Variants in OSBPL10 observed in about 807,000 individuals in gnomAD.
The protein encoded by OSBPL10 is oxysterol-binding protein-related protein 10.
A neutral mutation model predicts 81.7 loss-of-function variants in OSBPL10; 49 were observed. The observed-to-expected ratio is 0.60, with a 90% confidence interval of 0.48 to 0.76. OSBPL10 has a LOEUF of 0.76. Ranked by LOEUF, OSBPL10 falls within the 30% of genes least tolerant of loss-of-function variation. OSBPL10 has a pLI of 0.00. For missense variants in OSBPL10, 923 were observed against 987.8 expected, an observed-to-expected ratio of 0.93 and a Z score of 0.88; for synonymous variants, 419 against 383.6, an observed-to-expected ratio of 1.09 and a Z score of -1.08.
chr3:31,664,248 GGA>G lies in OSBPL10; in HGVS notation c.2097-18_2097-17del. ...CCAGAGGTTCCTGGGGATGCGTGGA[GGA>G]GAGGAAACAATCAGCCAGGCCAGCT... On this transcript the variant is annotated splice_polypyrimidine_tract_variant and intron_variant, in intron 10 of 11. Transcript: ENST00000396556. The G allele has an allele frequency of 6.2e-7, 1 of 1,611,048 alleles. No individual in the cohort carries two copies. Among genetic ancestry groups the G allele is most frequent in the Non-Finnish European group, 8.5e-7 (1 of 1,179,442 alleles).
intron 4 of OSBPL10, among the ~76,000 whole-genome samples, chr3:31,792,465 G>A (rs776125414): frequency 8.5e-5 from 13 of 152,138 alleles, no homozygotes; most frequent in Middle Eastern, 3.2e-3. Context: ...CAACATTGGC[G>A]ACAATTAAAA....
intron 5 of OSBPL10, among the ~76,000 whole-genome samples, chr3:31,739,336 GAGAAAGTCTTAT>G (rs1169991030): frequency 6.6e-6 from 1 of 152,112 alleles, no homozygotes; most frequent in Non-Finnish European, 1.5e-5. Flanking sequence ...ACAAGGAAGA[GAGAAAGTCTTAT>G]AGTACTCAGC....
At chr3:31,736,081 T>G (rs1049510195) in intron 5 of OSBPL10, among the ~76,000 whole-genome samples, 42 of 151,848 alleles carry the variant, frequency 2.8e-4, no homozygotes, top group African/African-American at 9.2e-4. Flanking sequence ...AAGAAAGACA[T>G]AGAATAGAAT....
In OSBPL10 at chr3:31,787,093, G is replaced by A. The variant is rs189294433; in HGVS notation, c.730-38973C>T. Among the ~76,000 whole-genome samples the A allele has an allele frequency of 7.6e-4, 116 of 152,298 alleles. 1 individual carries two copies. Among genetic ancestry groups the A allele is most frequent in the African/African-American group, 2.4e-3 (99 of 41,578 alleles). Reference sequence around the variant, plus strand: ...TGCCTGGCATAGAATAAGCGGTCACGATATGGTTGTTGCCTCCTTACTTCT... The same window carrying A: ...TGCCTGGCATAGAATAAGCGGTCACAATATGGTTGTTGCCTCCTTACTTCT... On this transcript the variant is annotated intron_variant, in intron 4 of 11. Transcript: ENST00000396556.
intron 1 of OSBPL10, chr3:31,919,449 G>C (rs970514902): frequency 6.6e-6 from 1 of 152,190 alleles, no homozygotes; most frequent in Admixed American, 6.5e-5. Flanking sequence ...GGAAGGGCTG[G>C]AGCAAAGACT....
intron 4 of OSBPL10, among the ~76,000 whole-genome samples, chr3:31,774,711 C>T (rs1338810278): frequency 6.6e-6 from 1 of 151,394 alleles, no homozygotes; most frequent in African/African-American, 2.4e-5. Context: ...CAGTGTTTCA[C>T]CATGTTGTCC....
chr3:31,759,580 T>C (rs1455084556), intron 4 of OSBPL10, among the ~76,000 whole-genome samples: 1 of 152,180 alleles, frequency 6.6e-6, no homozygotes, highest in Non-Finnish European at 1.5e-5. Context: ...TGTATATATA[T>C]GGCCAACCCT....
intron 1 of OSBPL10, among the ~76,000 whole-genome samples, chr3:32,069,899 C>T (rs150673335): frequency 6.6e-6 from 1 of 152,232 alleles, no homozygotes; most frequent in Admixed American, 6.5e-5. Flanking sequence ...GGCCACTGGG[C>T]CTCAGAATGC....
intron 1 of OSBPL10, among the ~76,000 whole-genome samples, chr3:31,980,010 A>T (rs967530857): frequency 1.3e-3 from 200 of 148,406 alleles, no homozygotes; most frequent in Admixed American, 1.3e-3. Context: ...TATTTTATTT[A>T]TTTATTTTTT....
In OSBPL10 at chr3:31,883,255, T is replaced by G. The variant is rs200238366; in HGVS notation, c.282-3425A>C. Among the ~76,000 whole-genome samples the G allele has an allele frequency of 4.8e-3, 726 of 152,200 alleles. 30 individuals carry two copies. In the East Asian group the frequency reaches 0.1, roughly 21 times the overall value. The stretch of plus-strand genomic sequence containing the variant: ...CAAGCATGCCACTCTTTTTTTTTTT[T>G]TTGAGATGGAGTCTCGCTTCTTTGC... On this transcript the variant is annotated intron_variant, in intron 1 of 11. Transcript: ENST00000396556.
chr3:31,886,862 C>T (rs1306538344), intron 1 of OSBPL10, among the ~76,000 whole-genome samples: 3 of 152,072 alleles, frequency 2.0e-5, no homozygotes, highest in Admixed American at 6.5e-5. Context: ...ATCGCTGGAA[C>T]CCAGGAGGCA....
chr3:32,008,325 G>GT (rs112826696), intron 2 of OSBPL10, among the ~76,000 whole-genome samples: 48,449 of 150,914 alleles, frequency 0.32, 8,625 homozygotes, highest in African/African-American at 0.48. Flanking sequence ...GCTAATTTTT[G>GT]TTTTTTTAGT....
chr3:31,876,289 T>C, intron 3 of OSBPL10, 144 bp downstream of exon 3: 2 of 665,382 alleles, frequency 3.0e-6, no homozygotes, highest in South Asian at 1.9e-5. Context: ...TTTAAATTTA[T>C]GTGCAGCAGG....
chr3:31,702,568 G>C, intron 6 of OSBPL10, 60 bp from the exon 7 acceptor site: 1 of 1,600,398 alleles, frequency 6.2e-7, no homozygotes, highest in Non-Finnish European at 8.6e-7. Context: ...GAAATAAAGT[G>C]TATGAATTCA....
chr3:31,976,709 G>C (rs370057885), intron 1 of OSBPL10, among the ~76,000 whole-genome samples: 1 of 151,978 alleles, frequency 6.6e-6, no homozygotes, highest in Non-Finnish European at 1.5e-5. Context: ...CTCCCACCTC[G>C]GCCTCCCAAA....
intron 11 of OSBPL10, chr3:31,663,152 CAG>C (rs1700108079): frequency 9.1e-6 from 9 of 985,450 alleles, no homozygotes; most frequent in Non-Finnish European, 1.1e-5. Context: ...TAGCAGAAGT[CAG>C]GGGTTACCAG....
intron 6 of OSBPL10, among the ~76,000 whole-genome samples, chr3:31,713,431 C>T (rs1259986517): frequency 6.6e-6 from 1 of 152,130 alleles, no homozygotes; most frequent in African/African-American, 2.4e-5. Context: ...GAGTCTCACT[C>T]TGTTGCCCAG....
chr3:31,794,623 T>C (rs1055448206), intron 4 of OSBPL10: 9 of 348,162 alleles, frequency 2.6e-5, no homozygotes, highest in Non-Finnish European at 5.1e-5. Flanking sequence ...GGCACTTTTA[T>C]CTTCCCTGGG....
At chr3:31,744,026 C>T (rs930968787) in intron 5 of OSBPL10, among the ~76,000 whole-genome samples, 1 of 152,182 alleles carries the variant, frequency 6.6e-6, no homozygotes, top group African/African-American at 2.4e-5. Flanking sequence ...CTGCAGCCAA[C>T]TATGATGCTT....
Sources: allele counts gnomAD v4.1 joint callset (sites outside exome capture counted in the v4.1 genomes callset), GRCh38; gene constraint gnomAD v4.1.1; transcripts MANE v1.5; gene names NCBI Gene and HGNC (gene_info 2026-07-23, HGNC 2026-07-21).